LRP4: variants seen among roughly 807,000 people sequenced by gnomAD.
LRP4 encodes the protein LDL receptor related protein 4, also known as low-density lipoprotein receptor-related protein 4.
Under a neutral mutation model 220.3 loss-of-function variants are expected in LRP4, and 95 were observed. That is an observed-to-expected ratio of 0.43 (90% CI 0.37 to 0.51). The LOEUF is 0.51. LRP4 is among the 20% of genes least tolerant of loss of function. The pLI, the probability that LRP4 is intolerant of heterozygous loss-of-function variation, is 0.00. For missense variants in LRP4, 1,925 were observed against 2,567.0 expected (o/e 0.75, Z 5.40); for synonymous variants, 903 against 954.6 (o/e 0.95, Z 1.00).
In LRP4 at chr11:46,875,406, C is replaced by T. The variant is rs1940984987; in HGVS notation, c.3925+50G>A. 6.7e-7 allele frequency: 1 copy of T among 1,503,560 alleles called. No individual in the cohort carries two copies. Among genetic ancestry groups the T allele is most frequent in the Admixed American group, 1.7e-5 (1 of 59,624 alleles). 93.1% of individuals were successfully genotyped at this position (1,503,560 alleles called of 1,614,324 possible). On this transcript the variant is annotated intron_variant, in intron 27 of 37. Coordinates refer to ENST00000378623, the MANE Select transcript of LRP4 (RefSeq NM_002334.4). This position sits in a 1 kb window ranked among gnomAD's most constrained non-coding sequence, Gnocchi z 4.5. ...GATATATCTCTGATGTTGAGATGGC[C>T]CCAGAAAGCCAGAGGCTCTGACTCA...
chr11:46,898,941 G>T lies in LRP4; in HGVS notation c.639C>A (p.Asp213Glu). ...CGTCTGACCAGTCTCCACAGTCATC[G>T]TCGCCATCGCAGTGGTAGATGTCGA... ...CILDIYHCDGDDDCGDWSDES... is the reference protein window; with the variant it reads ...CILDIYHCDGEDDCGDWSDES... Residue 213 changes from aspartate (D) to glutamate (E), a missense_variant, in exon 6 of 38, where the codon GAC becomes GAA. By Grantham distance (45) the Asp-to-Glu change is conservative. Coordinates refer to ENST00000378623, the MANE Select transcript of LRP4 (RefSeq NM_002334.4). 1 of 1,613,830 alleles carries T rather than the reference G, an allele frequency of 6.2e-7. No individual in the cohort carries two copies. The highest frequency in any genetic ancestry group is 8.5e-7 in the Non-Finnish European group (1 of 1,179,988).
chr11:46,886,101 C>T lies in LRP4; in HGVS notation c.2496G>A (p.Trp832Ter). ...CTCCCCTATGCATACCTGCATCTGTCCAGTACAGTTTGTTGGTGACCCAAT... is the reference window on the plus strand; with the variant it reads ...CTCCCCTATGCATACCTGCATCTGTTCAGTACAGTTTGTTGGTGACCCAAT... Reference protein sequence around the residue: ...AIDWVTNKLYWTDAGTDRIEV... With the variant: ...AIDWVTNKLY Residue 832 changes from tryptophan (W) to a stop codon, truncating the protein, a stop_gained, in exon 18 of 38, where the codon TGG becomes TGA. Coordinates refer to ENST00000378623, the MANE Select transcript of LRP4 (RefSeq NM_002334.4). LOFTEE classifies it high-confidence loss of function. 6 of 1,614,066 alleles carry T rather than the reference C, an allele frequency of 3.7e-6. No homozygotes were observed. Among genetic ancestry groups the T allele is most frequent in the Non-Finnish European group, 5.1e-6 (6 of 1,180,010 alleles).
intron 37 of LRP4, among the ~76,000 whole-genome samples, chr11:46,862,008 C>T (rs997958437): frequency 7.4e-6 from 1 of 135,008 alleles, no homozygotes; most frequent in African/African-American, 2.8e-5. Context: ...GTGGAGGTTG[C>T]AGTGAGCTGA....
intron 12 of LRP4, 27 bp downstream of exon 12, chr11:46,894,562 C>T: frequency 6.5e-7 from 1 of 1,550,064 alleles, no homozygotes; most frequent in Non-Finnish European, 8.8e-7. Flanking sequence ...ATGGCTCTGC[C>T]CCTCTCCATG....
At chr11:46,894,865 G>A (rs748494955) in intron 11 of LRP4, 46 bp from the exon 12 acceptor site, 9 of 1,519,958 alleles carry the variant, frequency 5.9e-6, no homozygotes, top group African/African-American at 2.7e-5. Flanking sequence ...TTTCAGAGCC[G>A]CCCCTGGTAC....
chr11:46,902,940 G>A lies in LRP4; in HGVS notation c.53-11C>T. 6.2e-7 allele frequency: 1 copy of A among 1,613,920 alleles called. No homozygotes were observed. Among genetic ancestry groups the A allele is most frequent in the South Asian group, 1.1e-5 (1 of 91,086 alleles). ...GGCTGCTGGCCAGGCCTGGGCGGAG[G>A]GAAAAGGAATCAGTGAGGGCTCAGC... On this transcript the variant is annotated splice_polypyrimidine_tract_variant and intron_variant, in intron 1 of 37. Transcript: ENST00000378623.
Position 46,864,495 on chromosome 11 carries a change from G to A in LRP4, c.5196C>T (p.Leu1732=). The change falls in exon 36 of 38, where the codon CTC becomes CTT. Residue 1732 remains leucine (L), a synonymous_variant. Transcript: ENST00000378623. Reference sequence around the variant, plus strand: ...TCACCACCAAAATCAGCAGAATACTGAGGAGTCCACCAATGGCGTAGCTGA... The same window carrying A: ...TCACCACCAAAATCAGCAGAATACTAAGGAGTCCACCAATGGCGTAGCTGA... ...LHISYAIGGL[L]SILLILVVIA... The A allele has an allele frequency of 6.2e-7, 1 of 1,613,924 alleles. No homozygotes were observed. Among genetic ancestry groups the A allele is most frequent in the Non-Finnish European group, 8.5e-7 (1 of 1,179,868 alleles).
Position 46,858,318 on chromosome 11 carries a change from C to G in LRP4, c.*665G>C, listed in dbSNP as rs1940431939. On this transcript the variant is annotated 3_prime_UTR_variant, in exon 38 of 38. Coordinates refer to ENST00000378623, the MANE Select transcript of LRP4 (RefSeq NM_002334.4). Reference sequence around the variant, plus strand: ...GAGGAGGAAGAACAGCCTGAGCCACCCCCATCTCACCAGTATCTGCTGCTG... The same window carrying G: ...GAGGAGGAAGAACAGCCTGAGCCACGCCCATCTCACCAGTATCTGCTGCTG... The G allele has an allele frequency of 6.3e-6, 1 of 158,530 alleles. No individual in the cohort carries two copies. The highest frequency in any genetic ancestry group is 1.4e-5 in the Non-Finnish European group (1 of 71,228). The allele number at this position is 158,530 out of a possible 1,614,324, so 9.8% of individuals were successfully genotyped here. A position where few individuals can be genotyped will look rare whatever the true frequency, so the allele number is the denominator to read the frequency against.
At chr11:46,878,257 T>C (rs1434408383) in intron 22 of LRP4, among the ~76,000 whole-genome samples, 1 of 150,830 alleles carries the variant, frequency 6.6e-6, no homozygotes, top group Admixed American at 6.7e-5. Context: ...ATACCAATTT[T>C]GGGCAGTTAG....
intron 18 of LRP4, 43 bp from the exon 19 acceptor site, chr11:46,884,019 T>G: frequency 6.7e-7 from 1 of 1,502,318 alleles, no homozygotes; most frequent in Non-Finnish European, 9.3e-7. Flanking sequence ...TCTTGTTCAT[T>G]CACCCTCTTA....
intron 1 of LRP4, among the ~76,000 whole-genome samples, chr11:46,912,908 T>G (rs766811605): frequency 8.5e-5 from 13 of 152,140 alleles, no homozygotes; most frequent in Admixed American, 2.0e-4. Context: ...TGTCACTGCC[T>G]CTCAGCTAGA....
At chr11:46,903,254 G>C (rs558008561) in intron 1 of LRP4, among the ~76,000 whole-genome samples, 1 of 152,308 alleles carries the variant, frequency 6.6e-6, no homozygotes, top group East Asian at 1.9e-4. Flanking sequence ...AGCACTTTGA[G>C]GGGCTGAGAT....
At chr11:46,862,823 C>A in intron 36 of LRP4, 76 bp from the exon 37 acceptor site, 1 of 1,343,282 alleles carries the variant, frequency 7.4e-7, no homozygotes, top group South Asian at 1.2e-5. Flanking sequence ...TAAACTGAGT[C>A]TGGTAGGCAG....
intron 11 of LRP4, 65 bp downstream of exon 11, chr11:46,895,101 A>T (rs1458001418): frequency 1.2e-6 from 2 of 1,605,718 alleles, no homozygotes; most frequent in South Asian, 2.2e-5. Context: ...CCTGAGCACC[A>T]GAGTACCTGG....
In LRP4 at chr11:46,879,053, G is replaced by A; in HGVS notation, c.3005-15C>T. 1 of 1,614,226 alleles carries A rather than the reference G, an allele frequency of 6.2e-7. No homozygotes were observed. Among genetic ancestry groups the A allele is most frequent in the Non-Finnish European group, 8.5e-7 (1 of 1,180,048 alleles). On this transcript the variant is annotated splice_polypyrimidine_tract_variant and intron_variant, in intron 21 of 37. Coordinates refer to ENST00000378623, the MANE Select transcript of LRP4 (RefSeq NM_002334.4). The stretch of plus-strand genomic sequence containing the variant: ...TGGTGTAGACACTGGGTAGAGAGGA[G>A]GGGATGTTCAATGGGGAGAGCTAGG...
intron 1 of LRP4, among the ~76,000 whole-genome samples, chr11:46,911,843 T>TC (rs1941864985): frequency 6.9e-6 from 1 of 143,920 alleles, no homozygotes; most frequent in Non-Finnish European, 1.5e-5. Flanking sequence ...GGAATCTTCT[T>TC]TTTTTTTTTT....
intron 19 of LRP4, among the ~76,000 whole-genome samples, chr11:46,883,007 C>T (rs760940522): frequency 6.6e-6 from 1 of 152,092 alleles, no homozygotes; most frequent in Non-Finnish European, 1.5e-5. Flanking sequence ...CAAATGTTTA[C>T]ATACATTTAG....
At chr11:46,864,564 G>C in intron 35 of LRP4, 29 bp from the exon 36 acceptor site, 1 of 1,475,126 alleles carries the variant, frequency 6.8e-7, no homozygotes, top group Non-Finnish European at 9.5e-7. Context: ...CACTAGGCAG[G>C]GGCCACCGAC....
At chr11:46,870,828 A>G (rs1480450581) in intron 31 of LRP4, among the ~76,000 whole-genome samples, 3 of 152,226 alleles carry the variant, frequency 2.0e-5, no homozygotes, top group Non-Finnish European at 4.4e-5. Context: ...ACAGCTAATA[A>G]TAATTAAAAT....
Sources: allele counts gnomAD v4.1 joint callset (sites outside exome capture counted in the v4.1 genomes callset), GRCh38; gene constraint gnomAD v4.1.1; non-coding constraint Gnocchi (gnomAD v3.1); transcripts MANE v1.5; gene names NCBI Gene and HGNC (gene_info 2026-07-23, HGNC 2026-07-21).